Variants in ICA1 observed in about 807,000 individuals in gnomAD.
The protein encoded by ICA1 is islet cell autoantigen 1, also known as 69 kDa islet cell autoantigen.
Under a neutral mutation model 71.0 loss-of-function variants are expected in ICA1, and 40 were observed. The ratio of observed to expected loss-of-function variants is 0.56; its 90% CI spans 0.44 to 0.73. The LOEUF is 0.73. Among genes scored for constraint, ICA1 ranks in the 30% least tolerant of loss-of-function variants. The pLI, the probability that ICA1 is intolerant of heterozygous loss-of-function variation, is 0.00. For synonymous variants in ICA1, 207 were observed against 209.5 expected, an observed-to-expected ratio of 0.99 and a Z score of 0.10; for missense variants, 578 against 576.5, an observed-to-expected ratio of 1.00 and a Z score of -0.03.
At chr7:8,213,994 T>C (rs1794640592) in intron 6 of ICA1, among the ~76,000 whole-genome samples, 1 of 152,232 alleles carries the variant, frequency 6.6e-6, no homozygotes. Flanking sequence ...GATGAAACAC[T>C]AGACAAATGC....
In ICA1 at chr7:8,229,478, T is replaced by C. The variant is rs538512771; in HGVS notation, c.184-805A>G. On this transcript the variant is annotated intron_variant, in intron 3 of 13. Coordinates refer to ENST00000402384, the MANE Select transcript of ICA1 (RefSeq NM_001136020.3). ...TGCCCACTAACTTAGGGACCAGATATGGTATCAATGAGAAAACCTGGAAGA... is the reference window on the plus strand; with the variant it reads ...TGCCCACTAACTTAGGGACCAGATACGGTATCAATGAGAAAACCTGGAAGA... Among the ~76,000 whole-genome samples the C allele has an allele frequency of 2.6e-5, 4 of 152,298 alleles. No homozygotes were observed. The South Asian group carries it at 8.3e-4, about 32-fold the overall frequency.
At chr7:8,206,235 G>A (rs546067327) in intron 6 of ICA1, among the ~76,000 whole-genome samples, 2 of 152,154 alleles carry the variant, frequency 1.3e-5, no homozygotes, top group African/African-American at 4.8e-5. Flanking sequence ...GCTATTTGGT[G>A]GATTTCCCTC....
chr7:8,197,090 T>C lies in ICA1; in HGVS notation c.579+21215A>G, dbSNP rs1787873582. Among the ~76,000 whole-genome samples, 4 of 151,850 alleles carry C rather than the reference T, an allele frequency of 2.6e-5. No individual in the cohort carries two copies. In the South Asian group the frequency reaches 8.3e-4, roughly 32 times the overall value. On this transcript the variant is annotated intron_variant, in intron 6 of 13. Transcript: ENST00000402384. Reference sequence around the variant, plus strand: ...TAATAGATATATTAATATATATAATTTTTCTACACATGAGCATTTAAAAAA... The same window carrying C: ...TAATAGATATATTAATATATATAATCTTTCTACACATGAGCATTTAAAAAA...
Position 8,226,252 on chromosome 7 carries a change from C to T in ICA1, c.256+2349G>A, listed in dbSNP as rs936706375. On this transcript the variant is annotated intron_variant, in intron 4 of 13. Transcript: ENST00000402384. This position sits in a 1 kb window ranked among gnomAD's most constrained non-coding sequence, Gnocchi z 4.4. ...CATTCCCTCCTCTCCAACCCTTCCC[C>T]ACTCCTCATCCACCACTGGTATCCA... 5.3e-5 allele frequency among the ~76,000 whole-genome samples: 8 copies of T among 152,114 alleles called. No homozygotes were observed. The highest frequency in any genetic ancestry group is 1.9e-4 in the African/African-American group (8 of 41,416).
chr7:8,174,771 A>AACAAAAACAAAAAACC lies in ICA1; in HGVS notation c.580-16120_580-16119insGGTTTTTTGTTTTTGT, dbSNP rs1554310918. Among the ~76,000 whole-genome samples the AACAAAAACAAAAAACC allele has an allele frequency of 9.7e-4, 103 of 106,064 alleles. 1 individual carries two copies. The Middle Eastern group carries it at 0.032, about 33-fold the overall frequency. The allele number at this position is 106,064 out of a possible 152,430, so 69.6% of individuals were successfully genotyped here. ...ACTGTATCTCAAAAAAAAAAAAAAA[A>AACAAAAACAAAAAACC]AAAAAAAACAGAGAGAGAGACAAAT... On this transcript the variant is annotated intron_variant, in intron 6 of 13. Transcript: ENST00000402384.
intron 1 of ICA1, among the ~76,000 whole-genome samples, chr7:8,244,037 C>T (rs1287649063): frequency 1.6e-5 from 2 of 126,332 alleles, no homozygotes; most frequent in East Asian, 2.4e-4. Flanking sequence ...TGACTTTCTT[C>T]ACAGAATTGG....
rs1023136694 is a variant in ICA1 at position 8,144,572 on chromosome 7, G to A, written c.805-600C>T. Among the ~76,000 whole-genome samples the A allele has an allele frequency of 5.9e-5, 9 of 152,220 alleles. No individual in the cohort carries two copies. The South Asian group carries it at 1.9e-3, about 32-fold the overall frequency. Reference sequence around the variant, plus strand: ...TCCAAATCTTTGTAGATTAAAATGGGTGAGAGTCTTCTTTTGGCACATCAT... The same window carrying A: ...TCCAAATCTTTGTAGATTAAAATGGATGAGAGTCTTCTTTTGGCACATCAT... On this transcript the variant is annotated intron_variant, in intron 8 of 13. Transcript: ENST00000402384. The surrounding 1 kb of genome is among the most constrained non-coding windows in gnomAD (Gnocchi z 4.5).
chr7:8,128,018 G>A lies in ICA1; in HGVS notation c.1185C>T (p.Ala395=), dbSNP rs780837445. The A allele has an allele frequency of 9.9e-6, 16 of 1,614,034 alleles. No individual in the cohort carries two copies. The highest frequency in any genetic ancestry group is 8.0e-5 in the African/African-American group (6 of 74,900). Residue 395 remains alanine (A), a synonymous_variant, in exon 13 of 14, where the codon GCC becomes GCT. Coordinates refer to ENST00000402384, the MANE Select transcript of ICA1 (RefSeq NM_001136020.3). ...LEEGEFSKEW[A]AVFGDGQVKE... is the part of the protein sequence containing the mutation. ...TCACTTGGCCGTCTCCAAACACAGC[G>A]GCCCACTCTTTGCTGAACTCGCCCT... is the stretch of plus-strand genomic sequence containing the variant.
At chr7:8,229,071 G>A (rs1050487850) in intron 3 of ICA1, among the ~76,000 whole-genome samples, 6 of 151,588 alleles carry the variant, frequency 4.0e-5, no homozygotes, top group Non-Finnish European at 5.9e-5. Context: ...TTTTAATGGG[G>A]GATCTGTCAA....
In ICA1 at chr7:8,214,346, C is replaced by T. The variant is rs1034288237; in HGVS notation, c.579+3959G>A. Among the ~76,000 whole-genome samples, 40 of 152,170 alleles carry T rather than the reference C, an allele frequency of 2.6e-4. 1 individual carries two copies. The highest frequency in any genetic ancestry group is 8.7e-4 in the African/African-American group (36 of 41,430). ...GCTGACTTCTACTTTTAAATCATAC[C>T]CTTTTACTCTGCCTTCAAAGAGCAC... On this transcript the variant is annotated intron_variant, in intron 6 of 13. Coordinates refer to ENST00000402384, the MANE Select transcript of ICA1 (RefSeq NM_001136020.3).
intron 3 of ICA1, among the ~76,000 whole-genome samples, chr7:8,229,281 G>GA: frequency 6.6e-6 from 1 of 152,302 alleles, no homozygotes; most frequent in South Asian, 2.1e-4. Flanking sequence ...CATACAGAGA[G>GA]AAAATATAAT....
intron 6 of ICA1, among the ~76,000 whole-genome samples, chr7:8,182,824 G>T (rs1240475009): frequency 2.0e-5 from 3 of 152,060 alleles, no homozygotes; most frequent in Non-Finnish European, 4.4e-5. Context: ...CTTTTTTAAA[G>T]AAAACCCACT....
chr7:8,136,601 C>A (rs2192345), intron 12 of ICA1, among the ~76,000 whole-genome samples: 146,078 of 152,330 alleles, frequency 0.96, 70,070 homozygotes, highest in East Asian at 1. Context: ...GTGGGGCAGC[C>A]CTGCTCATGC....
chr7:8,224,230 C>A (rs1376270692), intron 4 of ICA1, among the ~76,000 whole-genome samples: 1 of 152,086 alleles, frequency 6.6e-6, no homozygotes, highest in South Asian at 2.1e-4. Context: ...GACCATTAGG[C>A]TGAGTTCTGA....
chr7:8,203,745 A>AG (rs1312364172), intron 6 of ICA1, among the ~76,000 whole-genome samples: 8 of 152,184 alleles, frequency 5.3e-5, no homozygotes, highest in African/African-American at 1.4e-4. Context: ...TATTTGCTGT[A>AG]GGGCTTCTGC....
chr7:8,170,946 T>C (rs1295650777), intron 6 of ICA1, among the ~76,000 whole-genome samples: 1 of 151,974 alleles, frequency 6.6e-6, no homozygotes, highest in African/African-American at 2.4e-5. Context: ...AATTAAATCA[T>C]TTTCAGTATA....
chr7:8,118,924 C>T (rs945810293), intron 13 of ICA1, among the ~76,000 whole-genome samples: 1 of 152,224 alleles, frequency 6.6e-6, no homozygotes, highest in African/African-American at 2.4e-5. Flanking sequence ...TGCTGACCTA[C>T]TGAATCAGAA....
At chr7:8,237,645 A>C (rs1802270424) in intron 1 of ICA1, among the ~76,000 whole-genome samples, 1 of 152,132 alleles carries the variant, frequency 6.6e-6, no homozygotes, top group Non-Finnish European at 1.5e-5. Flanking sequence ...TGATTCTATG[A>C]ATTTGACTAC....
intron 6 of ICA1, among the ~76,000 whole-genome samples, chr7:8,170,758 T>C (rs909832584): frequency 2.0e-5 from 3 of 152,058 alleles, no homozygotes; most frequent in Non-Finnish European, 4.4e-5. Flanking sequence ...TACATCTATG[T>C]ACACATGCTG....
Sources: gnomAD v4.1 joint callset for allele counts (sites outside exome capture counted in the v4.1 genomes callset) on GRCh38, gnomAD v4.1.1 for gene constraint, Gnocchi (gnomAD v3.1) non-coding constraint, MANE v1.5 for transcripts, NCBI Gene and HGNC (gene_info 2026-07-23, HGNC 2026-07-21) for gene names.